Variants in ANTXR2 observed in about 807,000 individuals in gnomAD.
ANTXR2 encodes the protein ANTXR cell adhesion molecule 2.
ANTXR2 carries 44 observed loss-of-function variants against 73.7 expected under a neutral mutation model. The observed-to-expected ratio is 0.60, with a 90% CI of 0.47 to 0.77. The LOEUF is 0.77. Among genes scored for constraint, ANTXR2 ranks in the 30% least tolerant of loss-of-function variants. The probability of loss-of-function intolerance (pLI) is 0.00; values close to 1 mark genes in which losing one functional copy is unlikely to be tolerated. For synonymous variants in ANTXR2, 217 were observed against 205.9 expected, an observed-to-expected ratio of 1.05 and a Z score of -0.46; for missense variants, 604 against 592.5, an observed-to-expected ratio of 1.02 and a Z score of -0.20.
chr4:80,004,403 A>G (rs993409527), intron 12 of ANTXR2, among the ~76,000 whole-genome samples: 1 of 150,590 alleles, frequency 6.6e-6, no homozygotes, highest in Non-Finnish European at 1.5e-5. Flanking sequence ...AAACCACAGA[A>G]ACTTTTTTTT....
At position 79,902,231 on chromosome 4, in the gene ANTXR2, T is replaced by C. The variant is rs893288701; in HGVS notation, c.*5198A>G. ...CCTATTTAGGTTCCACTTTTTAAAA[T>C]TGTGAATTCTTAGATCACAGTATCC... On this transcript the variant is annotated 3_prime_UTR_variant, in exon 17 of 17. Coordinates refer to ENST00000403729, the MANE Select transcript of ANTXR2 (RefSeq NM_058172.6). The C allele has an allele frequency of 2.6e-5, 4 of 152,210 alleles. No individual in the cohort carries two copies. Among genetic ancestry groups the C allele is most frequent in the South Asian group, 4.1e-4 (2 of 4,832 alleles). The allele number at this position is 152,210 out of a possible 1,614,324, so 9.4% of individuals were successfully genotyped here. A position where few individuals can be genotyped will look rare whatever the true frequency, so the allele number is the denominator to read the frequency against.
intron 1 of ANTXR2, among the ~76,000 whole-genome samples, chr4:80,072,053 T>C (rs1277856683): frequency 6.6e-6 from 1 of 152,136 alleles, no homozygotes; most frequent in Admixed American, 6.5e-5. Flanking sequence ...AGGCAAACTT[T>C]AGCCTGCGTA....
At chr4:79,933,318 C>A (rs1728130060) in intron 16 of ANTXR2, among the ~76,000 whole-genome samples, 1 of 152,140 alleles carries the variant, frequency 6.6e-6, no homozygotes, top group Non-Finnish European at 1.5e-5. Context: ...AGATCAGGTG[C>A]CAATTATTTC....
intron 14 of ANTXR2, among the ~76,000 whole-genome samples, chr4:79,983,410 A>G (rs1034952604): frequency 6.6e-6 from 1 of 152,290 alleles, no homozygotes; most frequent in African/African-American, 2.4e-5. Flanking sequence ...ACAATAGTTC[A>G]TAAGTGGCAA....
At chr4:80,072,302 G>A in intron 1 of ANTXR2, 107 bp downstream of exon 1, 1 of 1,288,296 alleles carries the variant, frequency 7.8e-7, no homozygotes, top group Non-Finnish European at 1.0e-6. Flanking sequence ...CCCCTCCGCG[G>A]GTTTCCAACA....
chr4:80,006,850 AT>A (rs1731324840), intron 12 of ANTXR2, among the ~76,000 whole-genome samples: 1 of 152,162 alleles, frequency 6.6e-6, no homozygotes. Context: ...CAAAGTGATA[AT>A]TTAAAAAAAG....
At chr4:79,931,451 CT>C (rs1355296432) in intron 16 of ANTXR2, among the ~76,000 whole-genome samples, 2 of 15,034 alleles carry the variant, frequency 1.3e-4, no homozygotes, top group Middle Eastern at 0.025. Flanking sequence ...CTCGCTTCTT[CT>C]CTCTCTCTCT....
rs1265291428 is a variant in ANTXR2 at position 80,031,674 on chromosome 4, A to G, written c.815T>C (p.Val272Ala). Residue 272 changes from valine to alanine, a missense_variant, in exon 10 of 17, where the codon GTA becomes GCA. By Grantham distance (64) the Val-to-Ala change is moderately conservative. Coordinates refer to ENST00000403729, the MANE Select transcript of ANTXR2 (RefSeq NM_058172.6). ...TYTTSVKPVS[V>A]QLNSMLCPAP... ...AGGACAAAGCATAGAATTAAGCTGT[A>G]CACTTACTGGTTTTACACCTAGAAA... 3.3e-6 allele frequency: 5 copies of G among 1,516,266 alleles called. No homozygotes were observed. The highest frequency in any genetic ancestry group is 4.4e-6 in the Non-Finnish European group (5 of 1,138,572). 93.9% of individuals were successfully genotyped at this position (1,516,266 alleles called of 1,614,324 possible).
Position 80,071,579 on chromosome 4 carries a change from A to G in ANTXR2, c.224+4T>C, listed in dbSNP as rs1288699171. Reference sequence around the variant, plus strand: ...TGCCTAGAAAAGTAAAGTAAGAAAGATACCTCACAAATCTCTCCGCAAGTT... The same window carrying G: ...TGCCTAGAAAAGTAAAGTAAGAAAGGTACCTCACAAATCTCTCCGCAAGTT... On this transcript the variant is annotated splice_donor_region_variant and intron_variant, in intron 2 of 16. Transcript: ENST00000403729. 6.2e-7 allele frequency: 1 copy of G among 1,607,758 alleles called. No individual in the cohort carries two copies. Among genetic ancestry groups the G allele is most frequent in the Admixed American group, 1.7e-5 (1 of 60,014 alleles).
At chr4:79,987,320 T>C (rs1291288462) in intron 12 of ANTXR2, among the ~76,000 whole-genome samples, 1 of 151,142 alleles carries the variant, frequency 6.6e-6, no homozygotes, top group African/African-American at 2.4e-5. Flanking sequence ...AAATTTGCTA[T>C]AAGACTTTTA....
At chr4:80,066,982 G>A (rs1460038926) in intron 3 of ANTXR2, among the ~76,000 whole-genome samples, 1 of 152,090 alleles carries the variant, frequency 6.6e-6, no homozygotes, top group Non-Finnish European at 1.5e-5. Flanking sequence ...CGGATCACGA[G>A]GTCAGGAGAT....
intron 10 of ANTXR2, among the ~76,000 whole-genome samples, chr4:80,029,174 G>A (rs931243028): frequency 7.9e-5 from 12 of 152,108 alleles, no homozygotes; most frequent in Non-Finnish European, 1.6e-4. Context: ...TGTATCACTA[G>A]CCCCGATGGT....
intron 11 of ANTXR2, among the ~76,000 whole-genome samples, chr4:80,009,772 G>A (rs1006637287): frequency 3.3e-5 from 5 of 151,546 alleles, no homozygotes; most frequent in South Asian, 2.1e-4. Context: ...GCTTGAACCC[G>A]GGAGGTGGAG....
intron 7 of ANTXR2, among the ~76,000 whole-genome samples, chr4:80,037,319 C>T (rs1261998137): frequency 1.3e-5 from 2 of 152,104 alleles, no homozygotes; most frequent in Non-Finnish European, 2.9e-5. Flanking sequence ...TCTTTAATAA[C>T]AGCAAAACTA....
chr4:80,014,097 T>C (rs905118103), intron 11 of ANTXR2, among the ~76,000 whole-genome samples: 6 of 152,158 alleles, frequency 3.9e-5, no homozygotes, highest in Non-Finnish European at 1.5e-5. Flanking sequence ...TTTGTCTTCT[T>C]CACTCGGTGT....
intron 16 of ANTXR2, among the ~76,000 whole-genome samples, chr4:79,928,007 T>C (rs1727889840): frequency 6.6e-6 from 1 of 152,194 alleles, no homozygotes; most frequent in Admixed American, 6.5e-5. Flanking sequence ...ATCCCACTTC[T>C]GTGTATACAC....
chr4:80,035,953 T>A lies in ANTXR2; in HGVS notation c.697+19A>T, dbSNP rs755643847. The A allele has an allele frequency of 6.6e-7, 1 of 1,524,060 alleles. No individual in the cohort carries two copies. Among genetic ancestry groups the A allele is most frequent in the East Asian group, 2.5e-5 (1 of 40,458 alleles). The allele number at this position is 1,524,060 out of a possible 1,614,324, so 94.4% of individuals were successfully genotyped here. On this transcript the variant is annotated intron_variant, in intron 8 of 16. Coordinates refer to ENST00000403729, the MANE Select transcript of ANTXR2 (RefSeq NM_058172.6). ...AAATACAATTTCTTACATGGTATTT[T>A]TAAATTCTAAACACTTACCCCCCAC... is the stretch of plus-strand genomic sequence containing the variant.
intron 16 of ANTXR2, among the ~76,000 whole-genome samples, chr4:79,963,571 C>G: frequency 6.6e-6 from 1 of 152,194 alleles, no homozygotes; most frequent in East Asian, 1.9e-4. Context: ...ATACTACCAT[C>G]TGCCCTTTGG....
intron 14 of ANTXR2, among the ~76,000 whole-genome samples, chr4:79,979,982 C>T (rs1043393130): frequency 3.3e-5 from 5 of 152,070 alleles, no homozygotes; most frequent in East Asian, 1.9e-4. Context: ...ACAGCTCTCT[C>T]GCCTATGTTT....
Sources: allele counts gnomAD v4.1 joint callset (sites outside exome capture counted in the v4.1 genomes callset), GRCh38; gene constraint gnomAD v4.1.1; transcripts MANE v1.5; gene names NCBI Gene and HGNC (gene_info 2026-07-23, HGNC 2026-07-21).